Variants in SIN3B observed in about 807,000 individuals in gnomAD.
The protein encoded by SIN3B is SIN3 transcription regulator family member B.
Under a neutral mutation model 120.2 loss-of-function variants are expected in SIN3B, and 19 were observed. That is an observed-to-expected ratio of 0.16 (90% confidence interval 0.11 to 0.23). The LOEUF is 0.23. Ranked by LOEUF, SIN3B falls within the 10% of genes least tolerant of loss-of-function variation. SIN3B has a pLI of 1.00. For missense variants in SIN3B, 1,073 were observed against 1,573.0 expected (o/e 0.68, Z 5.38); for synonymous variants, 654 against 653.2 (o/e 1.00, Z -0.02).
chr19:16,866,049 C>T (rs2144615156), intron 11 of SIN3B, among the ~76,000 whole-genome samples: 1 of 152,332 alleles, frequency 6.6e-6, no homozygotes, highest in African/African-American at 2.4e-5. Context: ...TGGGATTATG[C>T]AGCTGAGTGA....
chr19:16,865,076 C>T (rs1307217515), intron 10 of SIN3B: 5 of 204,356 alleles, frequency 2.4e-5, no homozygotes, highest in Non-Finnish European at 4.0e-5. Flanking sequence ...TGTGATCCGC[C>T]CATCTCAGCC....
intron 8 of SIN3B, 84 bp downstream of exon 8, chr19:16,854,345 A>G (rs1971584859): frequency 3.8e-6 from 3 of 783,952 alleles, no homozygotes; most frequent in Non-Finnish European, 6.2e-6. Context: ...ACTGTTTTTG[A>G]GCAATGATTG....
chr19:16,878,896 T>A lies in SIN3B; in HGVS notation c.*169T>A. 1 of 654,916 alleles carries A rather than the reference T, an allele frequency of 1.5e-6. No homozygotes were observed. Among genetic ancestry groups the A allele is most frequent in the Non-Finnish European group, 2.6e-6 (1 of 387,680 alleles). 40.6% of individuals were successfully genotyped at this position (654,916 alleles called of 1,614,324 possible). A position where few individuals can be genotyped will look rare whatever the true frequency, so the allele number is the denominator to read the frequency against. On this transcript the variant is annotated 3_prime_UTR_variant, in exon 19 of 19. Transcript: ENST00000248054. Reference sequence around the variant, plus strand: ...GCCGCCCCCGTGGCTCCCGGTCTCCTGTGGGCCTGCTGTGTGCCAAACCTG... The same window carrying A: ...GCCGCCCCCGTGGCTCCCGGTCTCCAGTGGGCCTGCTGTGTGCCAAACCTG...
chr19:16,876,429 C>CGCTGTGCCGGCTGG lies in SIN3B; in HGVS notation c.2767-45_2767-32dup, dbSNP rs752972331. The CGCTGTGCCGGCTGG allele has an allele frequency of 3.2e-3, 5,008 of 1,569,672 alleles. 18 individuals are homozygous for CGCTGTGCCGGCTGG. Among genetic ancestry groups the CGCTGTGCCGGCTGG allele is most frequent in the Non-Finnish European group, 3.6e-3 (4,156 of 1,145,218 alleles). ...GGAGGCGGGTGGCCTTGCGAGCCTG[C>CGCTGTGCCGGCTGG]GCTGTGCCGGCTGGGCTGTGCCGGC... On this transcript the variant is annotated intron_variant, in intron 15 of 18. Coordinates refer to ENST00000248054, the MANE Select transcript of SIN3B (RefSeq NM_001297595.2). The surrounding 1 kb of genome is among the most constrained non-coding windows in gnomAD (Gnocchi z 7.1).
chr19:16,847,586 T>C (rs1329261386), intron 5 of SIN3B, among the ~76,000 whole-genome samples: 1 of 152,124 alleles, frequency 6.6e-6, no homozygotes, highest in East Asian at 1.9e-4. Flanking sequence ...GCCCTGACCA[T>C]GGTGGTAGAG....
At chr19:16,865,959 C>T (rs1036736481) in intron 11 of SIN3B, among the ~76,000 whole-genome samples, 1 of 152,232 alleles carries the variant, frequency 6.6e-6, no homozygotes, top group East Asian at 1.9e-4. Context: ...TTATTTAATG[C>T]TGCATTTCGG....
intron 14 of SIN3B, among the ~76,000 whole-genome samples, chr19:16,873,049 T>G (rs2051532927): frequency 6.6e-6 from 1 of 151,978 alleles, no homozygotes; most frequent in Non-Finnish European, 1.5e-5. Context: ...GGGTCACTCG[T>G]ACCAGTGCTG....
Position 16,866,462 on chromosome 19 carries a change from C to G in SIN3B, c.1712C>G (p.Ser571Cys). Residue 571 changes from serine to cysteine, a missense_variant, in exon 12 of 19, where the codon TCC becomes TGC. This residue lies in a region of SIN3B where 118 missense variants were observed against 281.6 expected (regional missense o/e 0.42). Transcript: ENST00000248054. The stretch of plus-strand genomic sequence containing the variant: ...CAGTATGAGAAGGCGTACCTCAAGT[C>G]CCTTGACCACCAGGCTGTGAACTTC... ...REQYEKAYLK[S>C]LDHQAVNFKQ... 6.2e-7 allele frequency: 1 copy of G among 1,613,874 alleles called. No individual in the cohort carries two copies. Among genetic ancestry groups the G allele is most frequent in the Non-Finnish European group, 8.5e-7 (1 of 1,179,978 alleles).
In SIN3B at chr19:16,862,776, A is replaced by T. The variant is rs1971706456; in HGVS notation, c.1266+217A>T. 1 of 1,043,034 alleles carries T rather than the reference A, an allele frequency of 9.6e-7. No homozygotes were observed. Among genetic ancestry groups the T allele is most frequent in the Admixed American group, 1.8e-5 (1 of 56,912 alleles). 64.6% of individuals were successfully genotyped at this position (1,043,034 alleles called of 1,614,324 possible). A position where few individuals can be genotyped will look rare whatever the true frequency, so the allele number is the denominator to read the frequency against. The stretch of plus-strand genomic sequence containing the variant: ...TAGTTTTGGCAAAACACAGAGTGCC[A>T]GGGATAACGTGGAGTTCGGCTTATT... On this transcript the variant is annotated intron_variant, in intron 9 of 18. Coordinates refer to ENST00000248054, the MANE Select transcript of SIN3B (RefSeq NM_001297595.2). This position sits in a 1 kb window ranked among gnomAD's most constrained non-coding sequence, Gnocchi z 4.7.
At chr19:16,847,880 G>T (rs934801749) in intron 5 of SIN3B, among the ~76,000 whole-genome samples, 1 of 152,136 alleles carries the variant, frequency 6.6e-6, no homozygotes, top group African/African-American at 2.4e-5. Context: ...CCTGAAAGGA[G>T]ACCCAGTCCC....
intron 9 of SIN3B, chr19:16,863,082 C>T: frequency 1.2e-6 from 1 of 869,288 alleles, no homozygotes; most frequent in Non-Finnish European, 1.9e-6. Flanking sequence ...TTGCCTGTGG[C>T]TGCTTTTCTC....
intron 13 of SIN3B, among the ~76,000 whole-genome samples, chr19:16,870,796 C>A (rs1423072036): frequency 6.6e-6 from 1 of 152,178 alleles, no homozygotes; most frequent in Non-Finnish European, 1.5e-5. Context: ...CCTTGTGATC[C>A]ACCTGCCTCG....
At chr19:16,837,706 G>T (rs1971365230) in intron 3 of SIN3B, among the ~76,000 whole-genome samples, 1 of 152,278 alleles carries the variant, frequency 6.6e-6, no homozygotes, top group East Asian at 1.9e-4. Context: ...CAGAGTGACT[G>T]GTGACAAGGA....
At chr19:16,859,955 C>T (rs1042706007) in intron 8 of SIN3B, among the ~76,000 whole-genome samples, 2 of 152,140 alleles carry the variant, frequency 1.3e-5, no homozygotes, top group South Asian at 4.1e-4. Flanking sequence ...ATGGCCATAC[C>T]TCCCTCCTGG....
chr19:16,849,334 T>G (rs1424608211), intron 5 of SIN3B, among the ~76,000 whole-genome samples: 1 of 152,208 alleles, frequency 6.6e-6, no homozygotes, highest in African/African-American at 2.4e-5. Flanking sequence ...TCTGCCCTAG[T>G]AGCTTGAAAG....
At chr19:16,851,318 G>C in intron 5 of SIN3B, 94 bp from the exon 6 acceptor site, 1 of 1,437,322 alleles carries the variant, frequency 7.0e-7, no homozygotes, top group Non-Finnish European at 9.2e-7. Context: ...ATTGCCCACC[G>C]GGCTGTGGGC....
At chr19:16,877,512 G>T (rs1342191865) in intron 16 of SIN3B, 33 bp from the exon 17 acceptor site, 2 of 1,493,600 alleles carry the variant, frequency 1.3e-6, no homozygotes, top group Admixed American at 3.7e-5. Flanking sequence ...CTGCTGTAGG[G>T]GCATCACGGG....
At chr19:16,863,210 T>A (rs1971713734) in intron 9 of SIN3B, 1 of 540,098 alleles carries the variant, frequency 1.9e-6, no homozygotes, top group East Asian at 3.1e-5. Flanking sequence ...GCCCTCCGGA[T>A]CTGCAAGTTC....
At position 16,831,718 on chromosome 19, in the gene SIN3B, G is replaced by A. The variant is rs1599585190; in HGVS notation, c.381+71G>A. The A allele has an allele frequency of 1.4e-5, 19 of 1,390,500 alleles. No individual in the cohort carries two copies. The South Asian group carries it at 1.4e-4, about 11-fold the overall frequency. 86.1% of individuals were successfully genotyped at this position (1,390,500 alleles called of 1,614,324 possible). On this transcript the variant is annotated intron_variant, in intron 3 of 18. Transcript: ENST00000248054. ...TGTCTTGCTACTCAGGTTGGGCCAC[G>A]TGTCTCTCCTGTATCATTGCTAGAA...
Sources: allele counts gnomAD v4.1 joint callset (sites outside exome capture counted in the v4.1 genomes callset), GRCh38; gene constraint gnomAD v4.1.1; regional missense constraint gnomAD v4.1.1; non-coding constraint Gnocchi (gnomAD v3.1); transcripts MANE v1.5; gene names NCBI Gene and HGNC (gene_info 2026-07-23, HGNC 2026-07-21).